Variants in REPS2 observed in about 807,000 individuals in gnomAD.
REPS2 encodes ralBP1-associated Eps domain-containing protein 2.
In REPS2, 23 loss-of-function variants were observed where a neutral mutation model predicts 53.6. The observed-to-expected ratio is 0.43, with a 90% confidence interval of 0.31 to 0.61. REPS2 has a LOEUF of 0.61. REPS2 is among the 20% of genes least tolerant of loss of function. REPS2 has a pLI of 0.11. For synonymous variants in REPS2, 238 were observed against 218.6 expected (o/e 1.09, Z -0.78); for missense variants, 446 against 534.9 (o/e 0.83, Z 1.64).
At chrX:16,980,406 G>A (rs1034763653) in intron 1 of REPS2, among the ~76,000 whole-genome samples, 7 of 111,293 alleles carry the variant, frequency 6.3e-5, no homozygotes, top group Non-Finnish European at 1.3e-4. Context: ...AGGTTCAAGC[G>A]ATTCTCCTGC....
intron 1 of REPS2, among the ~76,000 whole-genome samples, chrX:16,993,367 T>C (rs894868648): frequency 2.7e-5 from 3 of 112,035 alleles, no homozygotes; most frequent in African/African-American, 6.5e-5. Flanking sequence ...GTAGAGTCAG[T>C]TTCTCTATTC....
At chrX:17,057,232 T>G (rs1452682960) in intron 8 of REPS2, among the ~76,000 whole-genome samples, 2 of 112,339 alleles carry the variant, frequency 1.8e-5, no homozygotes, top group Non-Finnish European at 3.8e-5. Context: ...GGCCTTAGAT[T>G]ATCTTGTCTA....
intron 2 of REPS2, among the ~76,000 whole-genome samples, chrX:17,008,719 C>T (rs913127011): frequency 8.9e-6 from 1 of 111,736 alleles, no homozygotes; most frequent in Non-Finnish European, 1.9e-5. Context: ...TAGCTTAATG[C>T]TTGATGACAC....
chrX:16,957,238 T>C (rs934835215), intron 1 of REPS2, among the ~76,000 whole-genome samples: 1 of 110,545 alleles, frequency 9.0e-6, no homozygotes, highest in South Asian at 3.9e-4. Context: ...AGGGAGACGC[T>C]GTCTCTACAA....
intron 1 of REPS2, among the ~76,000 whole-genome samples, chrX:17,001,420 G>A (rs2061305902): frequency 8.9e-6 from 1 of 112,187 alleles, no homozygotes; most frequent in Non-Finnish European, 1.9e-5. Flanking sequence ...AGAAACTTTT[G>A]ACTTTAATGT....
In REPS2 at chrX:17,025,168, C is replaced by T; in HGVS notation, c.656C>T (p.Ala219Val). ...SHGYSKLRSS[A>V]EQMHPAPYEA... ...GGCTACAGCAAACTGCGGAGCAGCGCAGAACAGATGCATCCAGGTAAGAGG... is the reference window on the plus strand; with the variant it reads ...GGCTACAGCAAACTGCGGAGCAGCGTAGAACAGATGCATCCAGGTAAGAGG... Residue 219 changes from alanine (A) to valine (V), a missense_variant, in exon 4 of 18, where the codon GCA (alanine) becomes GTA (valine). Transcript: ENST00000357277. 8.3e-7 allele frequency: 1 copy of T among 1,211,314 alleles called. No individual in the cohort carries two copies. The highest frequency in any genetic ancestry group is 1.1e-6 in the Non-Finnish European group (1 of 895,206).
intron 13 of REPS2, among the ~76,000 whole-genome samples, chrX:17,086,304 G>A (rs2062535244): frequency 8.9e-6 from 1 of 112,153 alleles, no homozygotes; most frequent in East Asian, 2.8e-4. Flanking sequence ...AGTGTCTAAT[G>A]CCTTTATTTT....
chrX:17,189,567 A>C, the REPS2 span, among the ~76,000 whole-genome samples: 5 of 111,399 alleles, frequency 4.5e-5, no homozygotes, highest in African/African-American at 1.6e-4. Context: ...GATTACAGGC[A>C]TGAGCCACCG....
At chrX:16,972,466 C>CT (rs963422921) in intron 1 of REPS2, among the ~76,000 whole-genome samples, 15 of 111,252 alleles carry the variant, frequency 1.3e-4, no homozygotes, top group African/African-American at 3.9e-4. Context: ...TCTTATTTGG[C>CT]TTTTTTTTAG....
At chrX:16,956,247 T>C in intron 1 of REPS2, among the ~76,000 whole-genome samples, 1 of 103,560 alleles carries the variant, frequency 9.7e-6, no homozygotes, top group South Asian at 4.6e-4. Context: ...AATTGAGCAC[T>C]TCCTTCTATT....
intron 1 of REPS2, among the ~76,000 whole-genome samples, chrX:16,968,171 T>A (rs1280374182): frequency 9.0e-6 from 1 of 111,182 alleles, no homozygotes; most frequent in Admixed American, 9.4e-5. Context: ...AGGTCACAGA[T>A]CAACAGGATC....
At chrX:17,144,123 T>C (rs189408720) in intron 17 of REPS2, among the ~76,000 whole-genome samples, 2 of 112,266 alleles carry the variant, frequency 1.8e-5, no homozygotes, top group East Asian at 5.6e-4. Context: ...GTGTCCAGAG[T>C]GGAGACTGTT....
chrX:16,965,336 C>T (rs1180628395), intron 1 of REPS2, among the ~76,000 whole-genome samples: 1 of 111,415 alleles, frequency 9.0e-6, no homozygotes. Flanking sequence ...ACCTCCCTCC[C>T]GGACGGGGCG....
chrX:17,176,877 C>T, the REPS2 span, among the ~76,000 whole-genome samples: 1 of 112,260 alleles, frequency 8.9e-6, no homozygotes, highest in Non-Finnish European at 1.9e-5. Context: ...CTTGGCTTAT[C>T]TCTTCGTTTG....
chrX:16,966,075 G>A (rs906720343), intron 1 of REPS2, among the ~76,000 whole-genome samples: 1 of 112,410 alleles, frequency 8.9e-6, no homozygotes, highest in African/African-American at 3.2e-5. Flanking sequence ...GTCCAGCTTC[G>A]GCTCGGCATC....
At chrX:17,155,759 G>A (rs774564571), downstream of REPS2, among the ~76,000 whole-genome samples, 67 of 111,809 alleles carry the variant, frequency 6.0e-4, no homozygotes, top group Non-Finnish European at 8.8e-4. Flanking sequence ...ATATCTTCTG[G>A]CATGTGTTTG....
chrX:16,975,597 G>A (rs1055512332), intron 1 of REPS2, among the ~76,000 whole-genome samples: 1 of 111,545 alleles, frequency 9.0e-6, no homozygotes, highest in Non-Finnish European at 1.9e-5. Context: ...AATGCATCAG[G>A]AGGCACATGA....
chrX:17,018,905 G>A (rs1363899911), intron 2 of REPS2, among the ~76,000 whole-genome samples: 1 of 110,685 alleles, frequency 9.0e-6, no homozygotes, highest in Non-Finnish European at 1.9e-5. Context: ...AGACTCAAGC[G>A]ATCTTCCTGC....
intron 13 of REPS2, chrX:17,099,891 G>T: frequency 1.2e-6 from 1 of 850,653 alleles, no homozygotes; most frequent in Non-Finnish European, 1.8e-6. Flanking sequence ...GACGAGGTCA[G>T]CCTCATCAGA....
Sources: allele counts gnomAD v4.1 joint callset (sites outside exome capture counted in the v4.1 genomes callset), GRCh38; gene constraint gnomAD v4.1.1; transcripts MANE v1.5; gene names NCBI Gene and HGNC (gene_info 2026-07-23, HGNC 2026-07-21).